PDE1C: variants seen among roughly 807,000 people sequenced by gnomAD.
The protein encoded by PDE1C is dual specificity calcium/calmodulin-dependent 3',5'-cyclic nucleotide phosphodiesterase 1C.
Under a neutral mutation model 93.1 loss-of-function variants are expected in PDE1C, and 62 were observed. The ratio of observed to expected loss-of-function variants is 0.67; its 90% CI spans 0.54 to 0.82. The LOEUF is 0.82. Among genes scored for constraint, PDE1C ranks in the 40% least tolerant of loss-of-function variants. The pLI is 0.00. For missense variants in PDE1C, 742 were observed against 884.6 expected, an observed-to-expected ratio of 0.84 and a Z score of 2.04; for synonymous variants, 325 against 310.1, an observed-to-expected ratio of 1.05 and a Z score of -0.50.
intron 17 of PDE1C, among the ~76,000 whole-genome samples, chr7:31,772,500 T>TTC (rs142016404): frequency 1.3e-5 from 2 of 149,374 alleles, no homozygotes; most frequent in Non-Finnish European, 3.0e-5. Context: ...GCTTCTGCAG[T>TTC]TCTCTCTCTC....
chr7:32,094,617 C>T (rs1273894087), intron 3 of PDE1C, among the ~76,000 whole-genome samples: 2 of 152,146 alleles, frequency 1.3e-5, no homozygotes, highest in East Asian at 3.9e-4. Context: ...AATCTGAGTC[C>T]CAAGCTCTAT....
At chr7:32,169,637 T>C (rs1562542999) in intron 3 of PDE1C, 1 of 709,748 alleles carries the variant, frequency 1.4e-6, no homozygotes. Flanking sequence ...CCAGCTAGCA[T>C]TGATTCCAAC....
intron 1 of PDE1C, among the ~76,000 whole-genome samples, chr7:32,357,118 G>A (rs988334225): frequency 6.6e-6 from 1 of 152,170 alleles, no homozygotes; most frequent in African/African-American, 2.4e-5. Flanking sequence ...GGATCACGAG[G>A]TCAGGATATT....
intron 1 of PDE1C, among the ~76,000 whole-genome samples, chr7:32,372,499 A>G (rs1441176107): frequency 6.6e-6 from 1 of 152,228 alleles, no homozygotes; most frequent in East Asian, 1.9e-4. Flanking sequence ...AAAACAGATC[A>G]TAGACCTAAC....
At chr7:32,021,176 G>T (rs1788618296) in intron 2 of PDE1C, among the ~76,000 whole-genome samples, 1 of 151,968 alleles carries the variant, frequency 6.6e-6, no homozygotes, top group Admixed American at 6.6e-5. Context: ...AAAGACTGCC[G>T]AGCTCCTGTG....
intron 16 of PDE1C, among the ~76,000 whole-genome samples, chr7:31,806,314 G>A (rs902776448): frequency 6.6e-5 from 10 of 151,972 alleles, no homozygotes; most frequent in African/African-American, 2.4e-4. Flanking sequence ...GCAAGTCCAT[G>A]AGGCTATGTT....
chr7:32,260,765 G>A (rs1022904203), intron 1 of PDE1C, among the ~76,000 whole-genome samples: 1 of 149,596 alleles, frequency 6.7e-6, no homozygotes, highest in Non-Finnish European at 1.5e-5. Context: ...GCCCTTTCCC[G>A]AAAAGACCCC....
chr7:32,071,377 G>C (rs1290035729), upstream of PDE1C: 1 of 985,330 alleles, frequency 1.0e-6, no homozygotes, highest in Non-Finnish European at 1.2e-6. Context: ...ATATTGAAGC[G>C]ACTGATGGGG....
intron 2 of PDE1C, among the ~76,000 whole-genome samples, chr7:32,018,193 C>A (rs1031168108): frequency 2.6e-5 from 4 of 151,802 alleles, no homozygotes; most frequent in African/African-American, 9.7e-5. Flanking sequence ...GAAATTGGAA[C>A]CCTCATACAC....
intron 3 of PDE1C, among the ~76,000 whole-genome samples, chr7:32,163,534 T>A (rs955652919): frequency 2.0e-5 from 3 of 152,166 alleles, no homozygotes. Context: ...CTATAGAATC[T>A]AGAAAGCCTT....
At chr7:32,095,573 C>A (rs1003576762) in intron 3 of PDE1C, among the ~76,000 whole-genome samples, 2 of 152,198 alleles carry the variant, frequency 1.3e-5, no homozygotes, top group Non-Finnish European at 2.9e-5. Context: ...AAGAGGGACA[C>A]ACGGTTCTTA....
chr7:31,919,849 G>A (rs1424800105), intron 2 of PDE1C, among the ~76,000 whole-genome samples: 3 of 152,082 alleles, frequency 2.0e-5, no homozygotes. Flanking sequence ...GGGCATCCAC[G>A]CCTGTGGTGC....
intron 1 of PDE1C, among the ~76,000 whole-genome samples, chr7:32,380,641 T>A (rs1349298155): frequency 6.6e-6 from 1 of 151,998 alleles, no homozygotes; most frequent in East Asian, 1.9e-4. Flanking sequence ...TGTTCCCAAA[T>A]CAAGGTCAAG....
chr7:32,373,506 T>C (rs1784367461), intron 1 of PDE1C, among the ~76,000 whole-genome samples: 1 of 152,240 alleles, frequency 6.6e-6, no homozygotes, highest in African/African-American at 2.4e-5. Flanking sequence ...CTAATGGATA[T>C]GGGATTTCTT....
At chr7:32,215,725 G>T (rs1324306826) in intron 1 of PDE1C, among the ~76,000 whole-genome samples, 1 of 152,232 alleles carries the variant, frequency 6.6e-6, no homozygotes, top group Non-Finnish European at 1.5e-5. Context: ...TGTGGTGGTG[G>T]CCTAGAAAGG....
chr7:32,217,561 G>A (rs1806527324), intron 1 of PDE1C, among the ~76,000 whole-genome samples: 2 of 152,218 alleles, frequency 1.3e-5, no homozygotes, highest in South Asian at 4.1e-4. Context: ...GCTGAATCGT[G>A]TGCTGTGTTG....
chr7:31,757,932 T>C (rs956080473), intron 17 of PDE1C, among the ~76,000 whole-genome samples: 3 of 151,978 alleles, frequency 2.0e-5, no homozygotes, highest in African/African-American at 4.8e-5. Flanking sequence ...ATTAAGAAAA[T>C]GTGGCACATA....
the PDE1C span, among the ~76,000 whole-genome samples, chr7:31,720,722 CT>C: frequency 6.6e-6 from 1 of 152,312 alleles, no homozygotes. Flanking sequence ...AAATCCCCTC[CT>C]AGAGCTTTGC....
intron 1 of PDE1C, among the ~76,000 whole-genome samples, chr7:32,238,310 G>T (rs1205740973): frequency 5.3e-5 from 8 of 152,186 alleles, no homozygotes; most frequent in Admixed American, 5.2e-4. Flanking sequence ...AAACCATTAT[G>T]AAGAAACTTA....
Sources: gnomAD v4.1 joint callset for allele counts (sites outside exome capture counted in the v4.1 genomes callset) on GRCh38, gnomAD v4.1.1 for gene constraint, MANE v1.5 for transcripts, NCBI Gene and HGNC (gene_info 2026-07-23, HGNC 2026-07-21) for gene names.